CDH13: variants seen among roughly 807,000 people sequenced by gnomAD.
CDH13 encodes cadherin 13.
CDH13 carries 24 observed loss-of-function variants against 63.8 expected under a neutral mutation model. The observed-to-expected ratio is 0.38, with a 90% confidence interval of 0.27 to 0.53. The LOEUF is 0.53. Ranked by LOEUF, CDH13 falls within the 20% of genes least tolerant of loss-of-function variation. CDH13 has a pLI of 0.85. For synonymous variants in CDH13, 503 were observed against 355.3 expected, an observed-to-expected ratio of 1.42 and a Z score of -4.67; for missense variants, 1,049 against 903.1, an observed-to-expected ratio of 1.16 and a Z score of -2.07.
intron 6 of CDH13, among the ~76,000 whole-genome samples, chr16:83,434,443 G>A (rs758135129): frequency 1.2e-4 from 18 of 152,016 alleles, no homozygotes; most frequent in South Asian, 2.1e-4. Flanking sequence ...TATCTCTGGC[G>A]TGGTCCAGCC....
In CDH13 at chr16:83,547,825, T is replaced by C. The variant is rs971165431; in HGVS notation, c.961-54629T>C. On this transcript the variant is annotated intron_variant, in intron 7 of 13. Transcript: ENST00000567109. The stretch of plus-strand genomic sequence containing the variant: ...TGAGCCTTGACCTCCAAGGCTGAAA[T>C]AGATAAAGGAGTGAGGAGGGTGTTG... Among the ~76,000 whole-genome samples, 8 of 152,136 alleles carry C rather than the reference T, an allele frequency of 5.3e-5. No individual in the cohort carries two copies. In the South Asian group the frequency reaches 1.2e-3, roughly 24 times the overall value.
chr16:83,524,252 G>C (rs997419415), intron 7 of CDH13, among the ~76,000 whole-genome samples: 1 of 152,056 alleles, frequency 6.6e-6, no homozygotes, highest in African/African-American at 2.4e-5. Context: ...GTGTACATGA[G>C]TAATATATTC....
chr16:82,739,580 A>G (rs1230358600), intron 1 of CDH13, among the ~76,000 whole-genome samples: 1 of 152,216 alleles, frequency 6.6e-6, no homozygotes, highest in East Asian at 1.9e-4. Context: ...TTATTTTTAA[A>G]AAGTGTTAAG....
At chr16:82,698,309 G>A (rs186205470) in intron 1 of CDH13, among the ~76,000 whole-genome samples, 126 of 152,334 alleles carry the variant, frequency 8.3e-4, no homozygotes, top group Non-Finnish European at 1.6e-3. Context: ...GGGATTGCTT[G>A]CTTTTAGTGA....
chr16:82,779,098 T>TAATG (rs2035631586), intron 1 of CDH13, among the ~76,000 whole-genome samples: 1 of 152,130 alleles, frequency 6.6e-6, no homozygotes, highest in African/African-American at 2.4e-5. Flanking sequence ...AAAGCTTGAG[T>TAATG]AATGAGTCCA....
chr16:82,652,987 G>T (rs1567592465), intron 1 of CDH13, among the ~76,000 whole-genome samples: 1 of 152,172 alleles, frequency 6.6e-6, no homozygotes, highest in Non-Finnish European at 1.5e-5. Context: ...TGTAGAAGTT[G>T]GGGGTAAACA....
intron 2 of CDH13, among the ~76,000 whole-genome samples, chr16:82,877,949 AC>A (rs2040561403): frequency 7.4e-6 from 1 of 135,766 alleles, no homozygotes; most frequent in Non-Finnish European, 1.6e-5. Context: ...ACACACACAC[AC>A]ACACACACAC....
intron 6 of CDH13, among the ~76,000 whole-genome samples, chr16:83,374,684 T>C (rs2091430160): frequency 6.6e-6 from 1 of 152,216 alleles, no homozygotes; most frequent in South Asian, 2.1e-4. Flanking sequence ...TGTTCCTCCA[T>C]TAGCATTTGT....
chr16:83,463,548 C>G (rs934638701), intron 6 of CDH13, among the ~76,000 whole-genome samples: 1 of 152,180 alleles, frequency 6.6e-6, no homozygotes, highest in Middle Eastern at 3.2e-3. Flanking sequence ...TGCTTGTAAT[C>G]CCAGCGCTTT....
At chr16:83,116,632 A>G (rs58239827) in intron 3 of CDH13, among the ~76,000 whole-genome samples, 27,816 of 152,178 alleles carry the variant, frequency 0.18, 3,631 homozygotes, top group African/African-American at 0.37. Flanking sequence ...TAAAGTGGGA[A>G]TGACTGCTAA....
intron 1 of CDH13, among the ~76,000 whole-genome samples, chr16:82,803,305 A>G (rs1219016403): frequency 6.6e-6 from 1 of 152,196 alleles, no homozygotes; most frequent in Non-Finnish European, 1.5e-5. Context: ...AGGGGCAATT[A>G]TATATTTTTG....
intron 6 of CDH13, among the ~76,000 whole-genome samples, chr16:83,349,622 C>T (rs181101855): frequency 3.0e-4 from 45 of 151,340 alleles, no homozygotes; most frequent in African/African-American, 7.8e-4. Flanking sequence ...ACTATTGAGA[C>T]GGAGTTTTGC....
At chr16:83,071,250 C>T (rs955707435) in intron 3 of CDH13, among the ~76,000 whole-genome samples, 10 of 152,232 alleles carry the variant, frequency 6.6e-5, no homozygotes, top group South Asian at 6.2e-4. Flanking sequence ...TTCATTCAGG[C>T]AATAAGCAAA....
intron 7 of CDH13, among the ~76,000 whole-genome samples, chr16:83,589,458 G>T (rs561447366): frequency 6.6e-6 from 1 of 150,932 alleles, no homozygotes; most frequent in Non-Finnish European, 1.5e-5. Context: ...GAGGACTCTC[G>T]TGATCACATT....
At chr16:83,261,034 C>A (rs1212370403) in intron 5 of CDH13, among the ~76,000 whole-genome samples, 3 of 151,980 alleles carry the variant, frequency 2.0e-5, no homozygotes, top group Non-Finnish European at 4.4e-5. Context: ...TTGGCCCTTG[C>A]AGTAGACCCT....
intron 2 of CDH13, chr16:82,925,831 C>T (rs764962757): frequency 4.6e-5 from 7 of 152,162 alleles, no homozygotes; most frequent in East Asian, 1.9e-4. Flanking sequence ...CTCCTACCAC[C>T]GAGGACTTGC....
intron 1 of CDH13, among the ~76,000 whole-genome samples, chr16:82,830,090 T>G (rs758529253): frequency 2.6e-5 from 4 of 152,030 alleles, no homozygotes; most frequent in Non-Finnish European, 4.4e-5. Context: ...TTGTTACTAC[T>G]TTTTTTTCCC....
chr16:83,780,290 A>C, intron 12 of CDH13, 89 bp downstream of exon 12: 1 of 813,442 alleles, frequency 1.2e-6, no homozygotes, highest in Non-Finnish European at 1.9e-6. Context: ...CTGTTCTCTC[A>C]AGTATTCTCA....
chr16:83,243,844 C>A (rs945020124), intron 5 of CDH13, among the ~76,000 whole-genome samples: 1 of 152,118 alleles, frequency 6.6e-6, no homozygotes, highest in Non-Finnish European at 1.5e-5. Flanking sequence ...CTGGAATGGG[C>A]AACCTATTGA....
Sources: gnomAD v4.1 joint callset for allele counts (sites outside exome capture counted in the v4.1 genomes callset) on GRCh38, gnomAD v4.1.1 for gene constraint, MANE v1.5 for transcripts, NCBI Gene and HGNC (gene_info 2026-07-23, HGNC 2026-07-21) for gene names.